Variants in NKAIN2 observed in about 807,000 individuals in gnomAD.
The protein encoded by NKAIN2 is sodium/potassium-transporting ATPase subunit beta-1-interacting protein 2.
NKAIN2 carries 14 observed loss-of-function variants against 32.6 expected under a neutral mutation model. The observed-to-expected ratio is 0.43, with a 90% CI of 0.28 to 0.67. The LOEUF (loss-of-function observed/expected upper bound fraction) is 0.67. Ranked by LOEUF, NKAIN2 falls within the 30% of genes least tolerant of loss-of-function variation. The probability of loss-of-function intolerance (pLI) is 0.17; values close to 1 mark genes in which losing one functional copy is unlikely to be tolerated. For missense variants in NKAIN2, 198 were observed against 258.3 expected, an observed-to-expected ratio of 0.77 and a Z score of 1.60; for synonymous variants, 80 against 87.2, an observed-to-expected ratio of 0.92 and a Z score of 0.46.
intron 1 of NKAIN2, among the ~76,000 whole-genome samples, chr6:123,934,594 T>C (rs1159346500): frequency 1.3e-5 from 2 of 152,150 alleles, no homozygotes; most frequent in African/African-American, 2.4e-5. Context: ...TGGTATTCTG[T>C]TGAGGCTTAA....
In NKAIN2 at chr6:123,985,793, A is replaced by G. The variant is rs185505489; in HGVS notation, c.54+181539A>G. Among the ~76,000 whole-genome samples the G allele has an allele frequency of 2.5e-4, 38 of 152,316 alleles. 1 individual carries two copies. The East Asian group carries it at 6.9e-3, about 28-fold the overall frequency. ...TCCTAGCCTAGACTTCTTGGAAGAC[A>G]TTTCTGAGAAATCGATGTTTTCACT... On this transcript the variant is annotated intron_variant, in intron 1 of 6. Transcript: ENST00000368417.
chr6:123,892,977 G>A (rs1050548300), intron 1 of NKAIN2, among the ~76,000 whole-genome samples: 3 of 151,622 alleles, frequency 2.0e-5, no homozygotes, highest in African/African-American at 7.3e-5. Context: ...CTGAAGTTCT[G>A]TGATGCTAAC....
chr6:124,193,559 C>T (rs528481014), intron 1 of NKAIN2, among the ~76,000 whole-genome samples: 119 of 152,258 alleles, frequency 7.8e-4, no homozygotes, highest in African/African-American at 2.7e-3. Flanking sequence ...ATGTCTGGCT[C>T]CCAGAAGGGC....
intron 1 of NKAIN2, among the ~76,000 whole-genome samples, chr6:124,020,114 C>A (rs913771151): frequency 1.3e-5 from 2 of 152,070 alleles, no homozygotes; most frequent in East Asian, 3.9e-4. Context: ...ACAGAGAAGG[C>A]AGCTGGAAGC....
intron 4 of NKAIN2, among the ~76,000 whole-genome samples, chr6:124,700,953 C>G (rs1774751648): frequency 6.8e-6 from 1 of 147,806 alleles, no homozygotes; most frequent in Non-Finnish European, 1.5e-5. Context: ...AGAAAATACA[C>G]ACACATATAA....
At chr6:124,584,817 A>G (rs1781653202) in intron 3 of NKAIN2, among the ~76,000 whole-genome samples, 1 of 151,542 alleles carries the variant, frequency 6.6e-6, no homozygotes, top group Non-Finnish European at 1.5e-5. Flanking sequence ...AATGCTGGTG[A>G]TTATGTGGAG....
intron 1 of NKAIN2, among the ~76,000 whole-genome samples, chr6:123,944,304 G>C (rs1776969137): frequency 6.6e-6 from 1 of 152,024 alleles, no homozygotes; most frequent in Non-Finnish European, 1.5e-5. Flanking sequence ...CTGTGGCTTA[G>C]ACTATGAAGA....
intron 3 of NKAIN2, among the ~76,000 whole-genome samples, chr6:124,406,705 A>G (rs897340643): frequency 3.3e-5 from 5 of 152,120 alleles, no homozygotes; most frequent in African/African-American, 1.2e-4. Flanking sequence ...TACAAGTAGC[A>G]TATGAGAATC....
intron 1 of NKAIN2, among the ~76,000 whole-genome samples, chr6:124,070,304 G>T (rs1233375486): frequency 6.6e-6 from 1 of 152,158 alleles, no homozygotes; most frequent in African/African-American, 2.4e-5. Context: ...CTGACCAAGA[G>T]GCACAGGCTG....
intron 1 of NKAIN2, among the ~76,000 whole-genome samples, chr6:124,268,112 A>AACTAGG (rs543445492): frequency 2.2e-3 from 339 of 152,314 alleles, no homozygotes; most frequent in African/African-American, 7.7e-3. Flanking sequence ...AAATTGATAT[A>AACTAGG]CTTGCATTTG....
At chr6:123,841,843 G>A (rs1774884824) in intron 1 of NKAIN2, among the ~76,000 whole-genome samples, 1 of 152,168 alleles carries the variant, frequency 6.6e-6, no homozygotes, top group Admixed American at 6.5e-5. Context: ...TGTGGCTTAA[G>A]TTTTCTTGGA....
At chr6:123,867,675 C>G (rs1582679833) in intron 1 of NKAIN2, among the ~76,000 whole-genome samples, 1 of 152,156 alleles carries the variant, frequency 6.6e-6, no homozygotes, top group African/African-American at 2.4e-5. Flanking sequence ...CCATTTCCCT[C>G]ATGCAAGAAT....
At chr6:123,814,789 T>C (rs1773623008) in intron 1 of NKAIN2, among the ~76,000 whole-genome samples, 4 of 152,186 alleles carry the variant, frequency 2.6e-5, no homozygotes, top group African/African-American at 4.8e-5. Flanking sequence ...AATTTAATAT[T>C]TCATAATGTG....
chr6:124,480,482 T>C (rs999447004), intron 3 of NKAIN2, among the ~76,000 whole-genome samples: 6 of 152,242 alleles, frequency 3.9e-5, no homozygotes, highest in Non-Finnish European at 8.8e-5. Context: ...ACCTTTCAGC[T>C]TGCACCTTTG....
chr6:124,683,994 C>T (rs527739378), intron 4 of NKAIN2, among the ~76,000 whole-genome samples: 6 of 152,242 alleles, frequency 3.9e-5, no homozygotes, highest in African/African-American at 1.2e-4. Flanking sequence ...AAAACAATAA[C>T]AACACATAAA....
intron 1 of NKAIN2, among the ~76,000 whole-genome samples, chr6:123,900,268 G>A (rs1311192554): frequency 6.6e-6 from 1 of 151,866 alleles, no homozygotes; most frequent in Non-Finnish European, 1.5e-5. Flanking sequence ...TCAGGAGATC[G>A]AGACCATCCT....
intron 1 of NKAIN2, among the ~76,000 whole-genome samples, chr6:123,965,441 C>T (rs780089871): frequency 6.6e-6 from 1 of 152,036 alleles, no homozygotes; most frequent in Non-Finnish European, 1.5e-5. Context: ...ATGTTAATCC[C>T]CCTCTCTCCA....
At chr6:124,041,732 A>C (rs370061727) in intron 1 of NKAIN2, among the ~76,000 whole-genome samples, 147 of 152,208 alleles carry the variant, frequency 9.7e-4, no homozygotes, top group African/African-American at 3.4e-3. Flanking sequence ...AGGGAAAAAA[A>C]CAGTTTATGA....
At chr6:123,993,232 T>C (rs1779486718) in intron 1 of NKAIN2, among the ~76,000 whole-genome samples, 1 of 152,194 alleles carries the variant, frequency 6.6e-6, no homozygotes, top group Non-Finnish European at 1.5e-5. Context: ...GTCATTGTTA[T>C]AAGTGCTAGT....
Sources: gnomAD v4.1 joint callset for allele counts (sites outside exome capture counted in the v4.1 genomes callset) on GRCh38, gnomAD v4.1.1 for gene constraint, MANE v1.5 for transcripts, NCBI Gene and HGNC (gene_info 2026-07-23, HGNC 2026-07-21) for gene names.